ENTREP2: variants seen among roughly 807,000 people sequenced by gnomAD.
The protein encoded by ENTREP2 is protein ENTREP2.
chr15:29,422,741 G>A, the ENTREP2 span, among the ~76,000 whole-genome samples: 13 of 152,308 alleles, frequency 8.5e-5, no homozygotes, highest in East Asian at 2.5e-3. Context: ...AAGGTGACAA[G>A]GACTCACAAA....
At chr15:29,595,148 G>A in the ENTREP2 span, among the ~76,000 whole-genome samples, 1 of 151,726 alleles carries the variant, frequency 6.6e-6, no homozygotes, top group African/African-American at 2.4e-5. Flanking sequence ...CAGCGGGGAG[G>A]GAACTGAGGC....
At chr15:29,135,898 G>T in the ENTREP2 span, among the ~76,000 whole-genome samples, 5 of 152,140 alleles carry the variant, frequency 3.3e-5, no homozygotes, top group South Asian at 1.0e-3. This position sits in a 1 kb window ranked among gnomAD's most constrained non-coding sequence, Gnocchi z 7.4. Flanking sequence ...ACAGGCCGGG[G>T]CGCCCTGGGT....
chr15:29,246,129 C>T, the ENTREP2 span, among the ~76,000 whole-genome samples: 9 of 152,242 alleles, frequency 5.9e-5, no homozygotes, highest in South Asian at 4.2e-4. Flanking sequence ...CAGTGGCTTA[C>T]GCCTGTAAAC....
chr15:29,506,335 C>T, the ENTREP2 span, among the ~76,000 whole-genome samples: 17 of 152,142 alleles, frequency 1.1e-4, no homozygotes, highest in African/African-American at 4.1e-4. Context: ...AAACACACTT[C>T]AGGATATCAT....
the ENTREP2 span, among the ~76,000 whole-genome samples, chr15:29,339,734 T>C: frequency 6.6e-6 from 1 of 152,262 alleles, no homozygotes. Context: ...GAACTGTCAC[T>C]GTAAGGCATG....
At chr15:29,325,743 T>C in the ENTREP2 span, among the ~76,000 whole-genome samples, 2 of 152,166 alleles carry the variant, frequency 1.3e-5, no homozygotes, top group Non-Finnish European at 2.9e-5. Context: ...CTTCCTAATT[T>C]ATTCTATGAG....
the ENTREP2 span, among the ~76,000 whole-genome samples, chr15:29,638,308 G>A: frequency 2.6e-5 from 4 of 152,198 alleles, no homozygotes; most frequent in Non-Finnish European, 5.9e-5. Flanking sequence ...GGTGGTGGGG[G>A]TTTATCCTGA....
the ENTREP2 span, among the ~76,000 whole-genome samples, chr15:29,411,844 A>G: frequency 6.6e-6 from 1 of 152,360 alleles, no homozygotes; most frequent in East Asian, 1.9e-4. Flanking sequence ...CAATGATCCC[A>G]GAACCATTTA....
chr15:29,136,100 C>T, the ENTREP2 span, among the ~76,000 whole-genome samples: 3 of 152,204 alleles, frequency 2.0e-5, no homozygotes, highest in African/African-American at 2.4e-5. Context: ...TCCCCAGGCC[C>T]GGGCTGGCGT....
the ENTREP2 span, among the ~76,000 whole-genome samples, chr15:29,385,866 C>A: frequency 6.6e-6 from 1 of 152,102 alleles, no homozygotes; most frequent in Non-Finnish European, 1.5e-5. Flanking sequence ...AAATCTGAGA[C>A]CATAGTGGGC....
the ENTREP2 span, chr15:29,233,766 G>A: frequency 6.5e-7 from 1 of 1,532,462 alleles, no homozygotes; most frequent in East Asian, 2.2e-5. Flanking sequence ...GAATCAGTCT[G>A]ATGATGTGTG....
the ENTREP2 span, among the ~76,000 whole-genome samples, chr15:29,638,639 G>T: frequency 6.6e-6 from 1 of 152,196 alleles, no homozygotes. Flanking sequence ...CAGTTTAGGA[G>T]GCTGAAGCAG....
the ENTREP2 span, chr15:29,374,559 CATT>C: frequency 6.6e-6 from 1 of 151,982 alleles, no homozygotes; most frequent in Non-Finnish European, 1.5e-5. Flanking sequence ...TACATTGGTG[CATT>C]TTTTTTTCCT....
the ENTREP2 span, among the ~76,000 whole-genome samples, chr15:29,338,582 T>A: frequency 6.6e-6 from 1 of 151,902 alleles, no homozygotes; most frequent in Admixed American, 6.5e-5. Flanking sequence ...TCTCTTTGTG[T>A]CGCCTCCATA....
At chr15:29,384,196 T>C in the ENTREP2 span, among the ~76,000 whole-genome samples, 1 of 152,160 alleles carries the variant, frequency 6.6e-6, no homozygotes, top group African/African-American at 2.4e-5. Flanking sequence ...GCTCTCACCA[T>C]CATTTCATGT....
At chr15:29,198,155 G>A in the ENTREP2 span, among the ~76,000 whole-genome samples, 1 of 152,152 alleles carries the variant, frequency 6.6e-6, no homozygotes, top group Non-Finnish European at 1.5e-5. Context: ...TGGGCTTTGC[G>A]AGTGGCTTTC....
chr15:29,459,822 T>C, the ENTREP2 span, among the ~76,000 whole-genome samples: 1 of 152,214 alleles, frequency 6.6e-6, no homozygotes. Flanking sequence ...ATTCAGTTAA[T>C]TACTTGACTT....
At chr15:29,268,546 T>C in the ENTREP2 span, 1 of 443,222 alleles carries the variant, frequency 2.3e-6, no homozygotes, top group Non-Finnish European at 3.9e-6. Flanking sequence ...TTTACTAAGC[T>C]AGCAAAATTT....
chr15:29,304,999 G>A, the ENTREP2 span, among the ~76,000 whole-genome samples: 55,918 of 151,974 alleles, frequency 0.37, 11,029 homozygotes, highest in African/African-American at 0.54. Flanking sequence ...ACTGTACCAC[G>A]TTCTACTTTC....
Sources: allele counts gnomAD v4.1 joint callset (sites outside exome capture counted in the v4.1 genomes callset), GRCh38; gene constraint gnomAD v4.1.1; non-coding constraint Gnocchi (gnomAD v3.1); transcripts MANE v1.5; gene names NCBI Gene and HGNC (gene_info 2026-07-23, HGNC 2026-07-21).